Variants in ZNF251 observed in about 807,000 individuals in gnomAD.
ZNF251 encodes zinc finger protein 251.
In ZNF251, 14 loss-of-function variants were observed where a neutral mutation model predicts 13.5. That is an observed-to-expected ratio of 1.04 (90% CI 0.69 to 1.63). The LOEUF is 1.63. ZNF251 is among the 40% of genes most tolerant of loss of function. The probability of loss-of-function intolerance (pLI) is 0.00; values close to 1 mark genes in which losing one functional copy is unlikely to be tolerated. For missense variants in ZNF251, 764 were observed against 834.9 expected (o/e 0.92, Z 1.05); for synonymous variants, 287 against 295.2 (o/e 0.97, Z 0.28).
At chr8:144,753,445 A>C in intron 4 of ZNF251, 1 of 441,512 alleles carries the variant, frequency 2.3e-6, no homozygotes, top group African/African-American at 2.0e-5. Context: ...TAAATCACCA[A>C]AACAAAAATA....
intron 4 of ZNF251, among the ~76,000 whole-genome samples, chr8:144,723,651 A>G (rs1823435999): frequency 6.6e-6 from 1 of 152,254 alleles, no homozygotes. Context: ...AAATATTTAG[A>G]AGGCCAGGCG....
In ZNF251 at chr8:144,754,823, G is replaced by C. The variant is rs1313213446; in HGVS notation, c.-75-20C>G. On this transcript the variant is annotated intron_variant, in intron 1 of 4. Transcript: ENST00000292562. ...ACTTACCTTCAGTGGGGAGAACTCA[G>C]GCTCAGCCCCATTCAACCAGGGGTG... 6.5e-7 allele frequency: 1 copy of C among 1,534,854 alleles called. No individual in the cohort carries two copies. The highest frequency in any genetic ancestry group is 8.8e-7 in the Non-Finnish European group (1 of 1,141,926).
intron 4 of ZNF251, chr8:144,730,015 G>A: frequency 3.0e-6 from 3 of 984,948 alleles, no homozygotes; most frequent in Non-Finnish European, 3.6e-6. Flanking sequence ...TCCCAGGAGC[G>A]GGTGCCCTCA....
intron 4 of ZNF251, among the ~76,000 whole-genome samples, chr8:144,740,006 C>G (rs1824083394): frequency 6.6e-6 from 1 of 151,980 alleles, no homozygotes; most frequent in Non-Finnish European, 1.5e-5. Context: ...AAAATACATG[C>G]CAGGTGCCAT....
In ZNF251 at chr8:144,722,157, C is replaced by T. The variant is rs774442779; in HGVS notation, c.1503G>A (p.Arg501=). The T allele has an allele frequency of 2.0e-5, 32 of 1,614,130 alleles. No individual in the cohort carries two copies. The highest frequency in any genetic ancestry group is 5.9e-6 in the Non-Finnish European group (7 of 1,180,012). The change falls in exon 5 of 5, where the codon AGG becomes AGA. Residue 501 remains arginine (R), a synonymous_variant. Coordinates refer to ENST00000292562, the MANE Select transcript of ZNF251 (RefSeq NM_138367.2). The surrounding 1 kb of genome is among the most constrained non-coding windows in gnomAD (Gnocchi z 4.8). ...CTTTCTGATGCTGAATGAGGGTTGA[C>T]CTCCGGCTGAAGGCCTTCCCACAGT... ...CGDCGKAFSR[R]STLIQHQKVH... is the part of the protein sequence containing the mutation.
intron 4 of ZNF251, among the ~76,000 whole-genome samples, chr8:144,732,273 T>C (rs1014071040): frequency 6.6e-6 from 1 of 152,120 alleles, no homozygotes; most frequent in Non-Finnish European, 1.5e-5. Context: ...AAAAACAAAG[T>C]ACATGATGGG....
Position 144,754,781 on chromosome 8 carries a change from G to A in ZNF251, c.-53C>T, listed in dbSNP as rs1824878949. 6.3e-7 allele frequency: 1 copy of A among 1,597,860 alleles called. No homozygotes were observed. Among genetic ancestry groups the A allele is most frequent in the Admixed American group, 1.8e-5 (1 of 56,734 alleles). ...CAAGAGAAGACAGGAGACTGCCCTG[G>A]CCTGAAGTCTCCCCGAACTTACCTT... is the stretch of plus-strand genomic sequence containing the variant. On this transcript the variant is annotated 5_prime_UTR_variant, in exon 2 of 5. Transcript: ENST00000292562.
At chr8:144,726,100 G>A (rs964231789) in intron 4 of ZNF251, among the ~76,000 whole-genome samples, 1 of 146,128 alleles carries the variant, frequency 6.8e-6, no homozygotes, top group Non-Finnish European at 1.5e-5. Context: ...GGGAGTCTGA[G>A]ACAGGAGAAT....
At chr8:144,740,902 C>A (rs976756200) in intron 4 of ZNF251, among the ~76,000 whole-genome samples, 3 of 151,424 alleles carry the variant, frequency 2.0e-5, no homozygotes, top group African/African-American at 7.3e-5. Flanking sequence ...CATCGCACTC[C>A]GGCCTGGGCA....
intron 4 of ZNF251, among the ~76,000 whole-genome samples, chr8:144,727,231 C>A (rs531466195): frequency 2.0e-5 from 3 of 152,208 alleles, no homozygotes; most frequent in Non-Finnish European, 4.4e-5. Flanking sequence ...CTAATCTGTG[C>A]CGGTTCCATG....
Position 144,722,893 on chromosome 8 carries a change from T to C in ZNF251, c.767A>G (p.His256Arg), listed in dbSNP as rs371758544. The change falls in exon 5 of 5, where the codon CAT becomes CGT. Residue 256 changes from histidine to arginine, a missense_variant. Coordinates refer to ENST00000292562, the MANE Select transcript of ZNF251 (RefSeq NM_138367.2). This position sits in a 1 kb window ranked among gnomAD's most constrained non-coding sequence, Gnocchi z 4.8. Reference sequence around the variant, plus strand: ...TGGTTTATTTCCAGTGTGAATGTGATGGTGCAGAACAAGATTTGAGCTGTG... The same window carrying C: ...TGGTTTATTTCCAGTGTGAATGTGACGGTGCAGAACAAGATTTGAGCTGTG... ...FTHSSNLVLH[H>R]HIHTGNKPFK... is the part of the protein sequence containing the mutation. 7 of 1,614,024 alleles carry C rather than the reference T, an allele frequency of 4.3e-6. No individual in the cohort carries two copies. The highest frequency in any genetic ancestry group is 2.2e-5 in the South Asian group (2 of 91,076).
At chr8:144,754,484 C>A (rs935394129) in intron 2 of ZNF251, 163 bp from the exon 3 acceptor site, 1 of 1,445,336 alleles carries the variant, frequency 6.9e-7, no homozygotes, top group East Asian at 2.5e-5. Flanking sequence ...CGCTGAGGAC[C>A]AGCCAACTTC....
Position 144,721,094 on chromosome 8 carries a change from C to G in ZNF251, c.*550G>C, listed in dbSNP as rs1823361537. The G allele has an allele frequency of 6.5e-6, 1 of 154,394 alleles. No homozygotes were observed. The highest frequency in any genetic ancestry group is 2.1e-4 in the South Asian group (1 of 4,854). The allele number at this position is 154,394 out of a possible 1,614,324, so 9.6% of individuals were successfully genotyped here. A position where few individuals can be genotyped will look rare whatever the true frequency, so the allele number is the denominator to read the frequency against. Reference sequence around the variant, plus strand: ...CTCCTTAGAACCAAAACCAAACCACCTTTCATTTTAATGAAAATGAAATGC... The same window carrying G: ...CTCCTTAGAACCAAAACCAAACCACGTTTCATTTTAATGAAAATGAAATGC... On this transcript the variant is annotated 3_prime_UTR_variant, in exon 5 of 5. Transcript: ENST00000292562.
intron 4 of ZNF251, among the ~76,000 whole-genome samples, chr8:144,740,826 G>C (rs538770957): frequency 6.6e-6 from 1 of 151,772 alleles, no homozygotes; most frequent in Non-Finnish European, 1.5e-5. Flanking sequence ...CCAGCTACTC[G>C]GGAGGCTGAG....
At chr8:144,723,407 T>A in intron 4 of ZNF251, 25 bp from the exon 5 acceptor site, 1 of 1,415,438 alleles carries the variant, frequency 7.1e-7, no homozygotes. Flanking sequence ...TATAAATGAG[T>A]TACTAGAGAA....
intron 4 of ZNF251, among the ~76,000 whole-genome samples, chr8:144,745,639 T>C (rs556162514): frequency 6.6e-6 from 1 of 152,236 alleles, no homozygotes; most frequent in South Asian, 2.1e-4. Flanking sequence ...CTCAGACTCC[T>C]AGGCTCAAGC....
chr8:144,721,782 C>A lies in ZNF251; in HGVS notation c.1878G>T (p.Val626=), dbSNP rs1165033560. ...AACTCTGGCTGAAGGCTTTCCCATA[C>A]ACACTGCAATGACATGGTTTCTGAC... ...HTGQKPCHCS[V]YGKAFSQSSQ... is the part of the protein sequence containing the mutation. Residue 626 remains valine (V), a synonymous_variant, in exon 5 of 5, where the codon GTG becomes GTT. Coordinates refer to ENST00000292562, the MANE Select transcript of ZNF251 (RefSeq NM_138367.2). 2.7e-6 allele frequency: 4 copies of A among 1,458,610 alleles called. No homozygotes were observed. Among genetic ancestry groups the A allele is most frequent in the East Asian group, 2.4e-5 (1 of 42,320 alleles). 90.4% of individuals were successfully genotyped at this position (1,458,610 alleles called of 1,614,324 possible). A position where few individuals can be genotyped will look rare whatever the true frequency, so the allele number is the denominator to read the frequency against.
chr8:144,747,439 A>G (rs1200941617), intron 4 of ZNF251, among the ~76,000 whole-genome samples: 1 of 152,234 alleles, frequency 6.6e-6, no homozygotes, highest in Non-Finnish European at 1.5e-5. Flanking sequence ...TCGTTGGATG[A>G]AGCAGTCTAC....
chr8:144,742,066 G>A lies in ZNF251; in HGVS notation c.277+11617C>T, dbSNP rs563161812. Among the ~76,000 whole-genome samples, 25 of 152,192 alleles carry A rather than the reference G, an allele frequency of 1.6e-4. No individual in the cohort carries two copies. In the South Asian group the frequency reaches 4.1e-3, roughly 25 times the overall value. The stretch of plus-strand genomic sequence containing the variant: ...CATCAGAGTCCACCTGCTGGGAACC[G>A]AAACGACAGGCAGCTCACCTCAAAA... On this transcript the variant is annotated intron_variant, in intron 4 of 4. Coordinates refer to ENST00000292562, the MANE Select transcript of ZNF251 (RefSeq NM_138367.2).
Sources: gnomAD v4.1 joint callset for allele counts (sites outside exome capture counted in the v4.1 genomes callset) on GRCh38, gnomAD v4.1.1 for gene constraint, Gnocchi (gnomAD v3.1) non-coding constraint, MANE v1.5 for transcripts, NCBI Gene and HGNC (gene_info 2026-07-23, HGNC 2026-07-21) for gene names.